Variants in ABCB11 observed in about 807,000 individuals in gnomAD.
The protein encoded by ABCB11 is bile salt export pump.
Under a neutral mutation model 148.0 loss-of-function variants are expected in ABCB11, and 95 were observed. That is an observed-to-expected ratio of 0.64 (90% CI 0.54 to 0.76). The LOEUF is 0.76. Ranked by LOEUF, ABCB11 falls within the 30% of genes least tolerant of loss-of-function variation. ABCB11 has a pLI of 0.00. For synonymous variants in ABCB11, 591 were observed against 555.4 expected, an observed-to-expected ratio of 1.06 and a Z score of -0.90; for missense variants, 1,523 against 1,617.8, an observed-to-expected ratio of 0.94 and a Z score of 1.01.
At position 168,924,699 on chromosome 2, in the gene ABCB11, T is replaced by C. The variant is rs1332690586; in HGVS notation, c.3723A>G (p.Leu1241=). 2.5e-5 allele frequency: 40 copies of C among 1,613,828 alleles called. No homozygotes were observed. Among genetic ancestry groups the C allele is most frequent in the Non-Finnish European group, 3.2e-5 (38 of 1,179,874 alleles). ...CTAAGGCAGAAGTGGCTTCATCTAG[T>C]AGCAAGATTTTAGGATCTCGTACAA... ...RAIVRDPKIL[L]LDEATSALDT... The change falls in exon 27 of 28, where the codon CTA becomes CTG. Residue 1241 remains leucine, a synonymous_variant. Transcript: ENST00000650372.
intron 9 of ABCB11, 64 bp from the exon 10 acceptor site, chr2:168,986,348 A>G: frequency 2.2e-6 from 3 of 1,371,286 alleles, no homozygotes; most frequent in Non-Finnish European, 3.1e-6. Context: ...TGTTTAAAAC[A>G]GGCCGTGATG....
downstream of ABCB11, among the ~76,000 whole-genome samples, chr2:168,918,914 C>G (rs956092803): frequency 9.9e-5 from 15 of 152,106 alleles, no homozygotes; most frequent in Admixed American, 9.8e-4. Context: ...TTTCTATCCC[C>G]TTTTCATCTT....
At chr2:168,950,699 TG>T (rs1692524806) in intron 19 of ABCB11, among the ~76,000 whole-genome samples, 1 of 151,878 alleles carries the variant, frequency 6.6e-6, no homozygotes, top group Non-Finnish European at 1.5e-5. Context: ...ATGTAATGTT[TG>T]TAAATATTTT....
chr2:169,003,980 C>T (rs992410294), intron 5 of ABCB11, among the ~76,000 whole-genome samples: 2 of 152,102 alleles, frequency 1.3e-5, no homozygotes, highest in Admixed American at 1.3e-4. Context: ...AAATAGGACC[C>T]CAATCCCTTC....
chr2:168,988,026 ATTC>A (rs1337035622), intron 9 of ABCB11, among the ~76,000 whole-genome samples: 5 of 152,200 alleles, frequency 3.3e-5, no homozygotes, highest in African/African-American at 9.6e-5. Context: ...TTAAAAATCT[ATTC>A]TTAGCAATTT....
intron 26 of ABCB11, among the ~76,000 whole-genome samples, chr2:168,926,818 A>G (rs1691333792): frequency 6.6e-6 from 1 of 152,198 alleles, no homozygotes; most frequent in African/African-American, 2.4e-5. Context: ...ATATCTGCAT[A>G]TAATGAGATA....
Position 168,944,743 on chromosome 2 carries a change from C to T in ABCB11, c.2472G>A (p.Gly824=), listed in dbSNP as rs773596715. 14 of 1,612,306 alleles carry T rather than the reference C, an allele frequency of 8.7e-6. No homozygotes were observed. The South Asian group carries it at 1.5e-4, about 18-fold the overall frequency. ...TACGTAGCCTTTTTGTTAGGAGCTC[C>T]CCAGATTTAGCAAAGGCATATCCCT... ...FLQGYAFAKS[G]ELLTKRLRKF... is the part of the protein sequence containing the mutation. Residue 824 remains glycine (G), a synonymous_variant, in exon 21 of 28, where the codon GGG becomes GGA. Transcript: ENST00000650372.
intron 9 of ABCB11, among the ~76,000 whole-genome samples, chr2:168,988,218 C>T (rs1462840371): frequency 6.6e-6 from 1 of 151,936 alleles, no homozygotes; most frequent in Non-Finnish European, 1.5e-5. Flanking sequence ...TCTCAAACTA[C>T]CCCTGTTTAA....
chr2:169,003,349 CAT>C (rs772569568), intron 5 of ABCB11, among the ~76,000 whole-genome samples: 245 of 119,544 alleles, frequency 2.0e-3, no homozygotes, highest in Non-Finnish European at 2.9e-3. Flanking sequence ...TGTGTGTGTG[CAT>C]ATATATATAT....
At chr2:168,988,047 T>C (rs974216033) in intron 9 of ABCB11, among the ~76,000 whole-genome samples, 1 of 152,144 alleles carries the variant, frequency 6.6e-6, no homozygotes, top group Non-Finnish European at 1.5e-5. Context: ...TTTTCAAGTA[T>C]GCAATGTGAT....
chr2:168,930,190 A>G (rs1371415449), intron 25 of ABCB11, among the ~76,000 whole-genome samples: 2 of 152,212 alleles, frequency 1.3e-5, no homozygotes, highest in Non-Finnish European at 2.9e-5. Context: ...TTTATGGTAC[A>G]TGGCTCTCAA....
chr2:168,935,129 G>A (rs1031037267), intron 23 of ABCB11, 55 bp downstream of exon 23: 1 of 1,604,146 alleles, frequency 6.2e-7, no homozygotes, highest in Non-Finnish European at 8.5e-7. Flanking sequence ...GACAGAACCA[G>A]GCTATTCCTT....
intron 9 of ABCB11, among the ~76,000 whole-genome samples, chr2:168,990,218 T>G (rs1694465111): frequency 6.6e-6 from 1 of 152,128 alleles, no homozygotes; most frequent in Non-Finnish European, 1.5e-5. Flanking sequence ...AATTCAGCAA[T>G]GAAGCTATCA....
intron 21 of ABCB11, among the ~76,000 whole-genome samples, chr2:168,942,579 T>G (rs953323025): frequency 6.6e-6 from 1 of 151,818 alleles, no homozygotes; most frequent in African/African-American, 2.4e-5. Context: ...AATAAATAAT[T>G]TAATTGTACA....
intron 1 of ABCB11, among the ~76,000 whole-genome samples, chr2:169,026,257 T>C (rs1181817597): frequency 6.6e-6 from 1 of 152,218 alleles, no homozygotes; most frequent in East Asian, 1.9e-4. Flanking sequence ...TTTGTTTGTT[T>C]TCTTTCTCAG....
At position 168,927,166 on chromosome 2, in the gene ABCB11, G is replaced by A; in HGVS notation, c.3608C>T (p.Ser1203Leu). 1 of 1,613,602 alleles carries A rather than the reference G, an allele frequency of 6.2e-7. No individual in the cohort carries two copies. The highest frequency in any genetic ancestry group is 8.5e-7 in the Non-Finnish European group (1 of 1,179,592). ...KQAQLHDFVM[S>L]LPEKYETNVG... ...TGACTTCGTACTCACCTCTGGGAGT[G>A]ACATGACAAAATCATGCAGCTGAGC... The change falls in exon 26 of 28, where the codon TCA becomes TTA. Residue 1203 changes from serine (S) to leucine (L), a missense_variant. Transcript: ENST00000650372.
Position 168,981,391 on chromosome 2 carries a change from C to T in ABCB11, c.1084-1412G>A, listed in dbSNP as rs546051100. Among the ~76,000 whole-genome samples the T allele has an allele frequency of 1.7e-3, 252 of 152,246 alleles. 1 individual carries two copies. The highest frequency in any genetic ancestry group is 2.7e-3 in the Non-Finnish European group (183 of 68,016). On this transcript the variant is annotated intron_variant, in intron 10 of 27. Coordinates refer to ENST00000650372, the MANE Select transcript of ABCB11 (RefSeq NM_003742.4). ...TCCTCAATTATGGCAGGTGGTTCCT[C>T]CCATAGGCAGATTATGTAATCTTTC... is the stretch of plus-strand genomic sequence containing the variant.
Position 168,924,469 on chromosome 2 carries a change from A to AT in ABCB11, c.3765+187dup, listed in dbSNP as rs559075246. Among the ~76,000 whole-genome samples the AT allele has an allele frequency of 5.7e-3, 860 of 152,092 alleles. 4 individuals carry two copies. The highest frequency in any genetic ancestry group is 8.0e-3 in the Non-Finnish European group (547 of 67,956). On this transcript the variant is annotated intron_variant, in intron 27 of 27. Coordinates refer to ENST00000650372, the MANE Select transcript of ABCB11 (RefSeq NM_003742.4). ...ACAATTCTTATTTTAAAGGTAAAAT[A>AT]TTTTTTTTGAAGCAATCTTATATTA...
At chr2:168,985,783 G>A (rs887275740) in intron 10 of ABCB11, among the ~76,000 whole-genome samples, 2 of 152,024 alleles carry the variant, frequency 1.3e-5, no homozygotes, top group Non-Finnish European at 2.9e-5. Context: ...GGACTTTGGG[G>A]ACTCAGCGGA....
Sources: gnomAD v4.1 joint callset for allele counts (sites outside exome capture counted in the v4.1 genomes callset) on GRCh38, gnomAD v4.1.1 for gene constraint, MANE v1.5 for transcripts, NCBI Gene and HGNC (gene_info 2026-07-23, HGNC 2026-07-21) for gene names.